The following FAM53B variants were observed in gnomAD, a reference collection of about 807,000 sequenced individuals.
FAM53B encodes family with sequence similarity 53 member B, also known as protein FAM53B.
Under a neutral mutation model 32.7 loss-of-function variants are expected in FAM53B, and 12 were observed. That is an observed-to-expected ratio of 0.37 (90% CI 0.24 to 0.59). FAM53B has a LOEUF of 0.59. Among genes scored for constraint, FAM53B ranks in the 20% least tolerant of loss-of-function variants. The pLI, the probability that FAM53B is intolerant of heterozygous loss-of-function variation, is 0.72. For missense variants in FAM53B, 477 were observed against 577.7 expected (o/e 0.83, Z 1.79); for synonymous variants, 234 against 228.7 (o/e 1.02, Z -0.21).
At chr10:124,712,363 A>AATT (rs1008898440) in intron 1 of FAM53B, among the ~76,000 whole-genome samples, 1 of 152,070 alleles carries the variant, frequency 6.6e-6, no homozygotes, top group Admixed American at 6.6e-5. Context: ...CTCAAAAAAT[A>AATT]ATTATTATTA....
Position 124,662,275 on chromosome 10 carries a change from C to CA in FAM53B, c.906+19331dup, listed in dbSNP as rs1255840384. On this transcript the variant is annotated intron_variant, in intron 4 of 4. Transcript: ENST00000337318. ...GTAATAAAGATAATCCACAGCTACA[C>CA]AAACGCTTAGCACAGTGCCTGCCAC... is the stretch of plus-strand genomic sequence containing the variant. 2.0e-5 allele frequency among the ~76,000 whole-genome samples: 3 copies of CA among 152,238 alleles called. No individual in the cohort carries two copies. In the East Asian group the frequency reaches 5.8e-4, roughly 29 times the overall value.
intron 2 of FAM53B, 131 bp from the exon 3 acceptor site, chr10:124,696,343 G>C: frequency 1.2e-6 from 1 of 802,966 alleles, no homozygotes; most frequent in Non-Finnish European, 2.1e-6. Context: ...AGGGAAAGGA[G>C]GAAAAGGTAT....
chr10:124,663,739 A>G (rs993695560), intron 4 of FAM53B, among the ~76,000 whole-genome samples: 8 of 152,026 alleles, frequency 5.3e-5, no homozygotes, highest in Non-Finnish European at 1.2e-4. Flanking sequence ...GGCCTTTAAC[A>G]AGGGTTCGTC....
At chr10:124,635,240 C>T (rs1041796351) in intron 4 of FAM53B, among the ~76,000 whole-genome samples, 8 of 152,014 alleles carry the variant, frequency 5.3e-5, no homozygotes, top group South Asian at 2.1e-4. Flanking sequence ...AAACAGGGCC[C>T]GCCACCACAC....
chr10:124,665,445 T>C (rs529123662), intron 4 of FAM53B, among the ~76,000 whole-genome samples: 3 of 152,330 alleles, frequency 2.0e-5, no homozygotes, highest in African/African-American at 7.2e-5. Flanking sequence ...TTCCCCTGAC[T>C]AGAGAGCTTC....
chr10:124,703,190 G>T (rs187117901), intron 2 of FAM53B, among the ~76,000 whole-genome samples: 1 of 152,070 alleles, frequency 6.6e-6, no homozygotes, highest in Admixed American at 6.6e-5. Context: ...GACTACAGGC[G>T]CCCGCCTGCC....
chr10:124,741,479 G>C (rs978473732), intron 1 of FAM53B, among the ~76,000 whole-genome samples: 1 of 152,186 alleles, frequency 6.6e-6, no homozygotes, highest in African/African-American at 2.4e-5. Context: ...CCTGCTGCCA[G>C]CTCCTAATAT....
chr10:124,721,853 G>C (rs541351749), intron 1 of FAM53B, among the ~76,000 whole-genome samples: 51 of 152,276 alleles, frequency 3.3e-4, no homozygotes, highest in African/African-American at 1.1e-3. Context: ...GTATCGTTAG[G>C]CACAGCCAAG....
chr10:124,743,513 C>T (rs965498235), intron 1 of FAM53B, among the ~76,000 whole-genome samples: 3 of 152,170 alleles, frequency 2.0e-5, no homozygotes, highest in Non-Finnish European at 4.4e-5. Context: ...GCTCCCGCAC[C>T]CCGGGGGTGG....
chr10:124,736,588 G>A (rs1418961656), intron 1 of FAM53B, among the ~76,000 whole-genome samples: 1 of 152,286 alleles, frequency 6.6e-6, no homozygotes, highest in Non-Finnish European at 1.5e-5. Context: ...CCAGAGCAAG[G>A]GGAATTCCAG....
chr10:124,676,501 C>A (rs139860460), intron 4 of FAM53B, among the ~76,000 whole-genome samples: 44 of 152,334 alleles, frequency 2.9e-4, no homozygotes, highest in African/African-American at 9.9e-4. Flanking sequence ...AGCTGGCCTG[C>A]AGCTGCTGGG....
At chr10:124,731,481 C>T (rs1328583211) in intron 1 of FAM53B, among the ~76,000 whole-genome samples, 1 of 152,192 alleles carries the variant, frequency 6.6e-6, no homozygotes, top group Non-Finnish European at 1.5e-5. Context: ...TCAGCCCTAC[C>T]CAACATTCTG....
At chr10:124,633,729 G>A (rs74494802) in intron 4 of FAM53B, among the ~76,000 whole-genome samples, 2 of 152,052 alleles carry the variant, frequency 1.3e-5, no homozygotes, top group Non-Finnish European at 2.9e-5. Flanking sequence ...GAAACAGACA[G>A]GCAGCTACAT....
At chr10:124,738,139 G>C (rs1409660569) in intron 1 of FAM53B, among the ~76,000 whole-genome samples, 1 of 151,828 alleles carries the variant, frequency 6.6e-6, no homozygotes, top group African/African-American at 2.4e-5. Context: ...CAATAGGTTT[G>C]CTCCGCTCCC....
intron 4 of FAM53B, among the ~76,000 whole-genome samples, chr10:124,673,841 C>T (rs753082814): frequency 3.9e-5 from 6 of 152,208 alleles, no homozygotes; most frequent in Non-Finnish European, 5.9e-5. Context: ...TCTTGGACAA[C>T]GTCTAGGAAC....
At chr10:124,700,096 C>T (rs989648915) in intron 2 of FAM53B, among the ~76,000 whole-genome samples, 19 of 152,216 alleles carry the variant, frequency 1.2e-4, no homozygotes, top group African/African-American at 4.6e-4. Flanking sequence ...CAGTGGCGGC[C>T]AGGCCAGAAT....
intron 3 of FAM53B, among the ~76,000 whole-genome samples, chr10:124,688,015 A>AAGG (rs1381392266): frequency 6.6e-6 from 1 of 152,186 alleles, no homozygotes; most frequent in Non-Finnish European, 1.5e-5. Flanking sequence ...AAGTATGGAG[A>AAGG]AGGATCACTT....
At chr10:124,736,240 G>A (rs894320694) in intron 1 of FAM53B, among the ~76,000 whole-genome samples, 2 of 152,262 alleles carry the variant, frequency 1.3e-5, no homozygotes, top group African/African-American at 4.8e-5. Flanking sequence ...GGGCAAATTA[G>A]GTCCAGCAAG....
In FAM53B at chr10:124,623,460, C is replaced by T. The variant is rs200397847; in HGVS notation, c.1051G>A (p.Ala351Thr). ...AGAGGCTCAGGGACCGGGGTCCCAGCGGGGGTCCTGCCCCCTGGGCCGGAG... is the reference window on the plus strand; with the variant it reads ...AGAGGCTCAGGGACCGGGGTCCCAGTGGGGGTCCTGCCCCCTGGGCCGGAG... ...SASGPGGRTP[A>T]GTPVPEPLPP... is the part of the protein sequence containing the mutation. The change falls in exon 5 of 5, where the codon GCT becomes ACT. Residue 351 changes from alanine to threonine, a missense_variant. By Grantham distance (58) the Ala-to-Thr change is moderately conservative (BLOSUM62 0). Around this residue, in one of 2 missense-constraint regions of FAM53B, gnomAD observed 165 missense variants for 157.5 expected, o/e 1.05. Transcript: ENST00000337318. 2.1e-4 allele frequency: 330 copies of T among 1,588,178 alleles called. No homozygotes were observed. Among genetic ancestry groups the T allele is most frequent in the African/African-American group, 1.8e-3 (134 of 74,578 alleles).
Sources: allele counts gnomAD v4.1 joint callset (sites outside exome capture counted in the v4.1 genomes callset), GRCh38; gene constraint gnomAD v4.1.1; regional missense constraint gnomAD v4.1.1; transcripts MANE v1.5; gene names NCBI Gene and HGNC (gene_info 2026-07-23, HGNC 2026-07-21).